Variants in FARS2 observed in about 807,000 individuals in gnomAD.
FARS2 encodes the protein phenylalanyl-tRNA synthetase 2, mitochondrial.
A neutral mutation model predicts 46.4 loss-of-function variants in FARS2; 40 were observed. The observed-to-expected ratio is 0.86, with a 90% CI of 0.67 to 1.12. The LOEUF (loss-of-function observed/expected upper bound fraction) is 1.12, where lower values mean the gene tolerates loss of function less well. Ranked by LOEUF, FARS2 falls within the 50% of genes most tolerant of loss-of-function variation. The probability of loss-of-function intolerance (pLI) is 0.00; values close to 1 mark genes in which losing one functional copy is unlikely to be tolerated. For synonymous variants in FARS2, 234 were observed against 214.9 expected, an observed-to-expected ratio of 1.09 and a Z score of -0.78; for missense variants, 513 against 567.9, an observed-to-expected ratio of 0.90 and a Z score of 0.98.
intron 5 of FARS2, chr6:5,609,408 T>C (rs1775045535): frequency 4.7e-6 from 6 of 1,272,980 alleles, no homozygotes; most frequent in Non-Finnish European, 1.1e-6. Context: ...GCCAAAATCA[T>C]TGTAGCTTCC....
At chr6:5,272,022 G>A (rs1765992148) in intron 1 of FARS2, among the ~76,000 whole-genome samples, 1 of 152,130 alleles carries the variant, frequency 6.6e-6, no homozygotes, top group South Asian at 2.1e-4. Context: ...AATATGTAAT[G>A]GAGAATTCCA....
chr6:5,338,636 G>T (rs1241435998), intron 1 of FARS2, among the ~76,000 whole-genome samples: 1 of 139,014 alleles, frequency 7.2e-6, no homozygotes, highest in African/African-American at 2.7e-5. Context: ...ATTATCTCAG[G>T]TATGAGTTCT....
At chr6:5,562,730 T>A (rs868781667) in intron 5 of FARS2, among the ~76,000 whole-genome samples, 56 of 103,978 alleles carry the variant, frequency 5.4e-4, no homozygotes, top group African/African-American at 2.2e-3. Flanking sequence ...ACACACACAG[T>A]GTTTTTCATT....
At chr6:5,454,975 C>T (rs1764755266) in intron 4 of FARS2, among the ~76,000 whole-genome samples, 1 of 152,178 alleles carries the variant, frequency 6.6e-6, no homozygotes, top group East Asian at 1.9e-4. Context: ...GTGATTATGT[C>T]TTTATTTAAT....
intron 1 of FARS2, among the ~76,000 whole-genome samples, chr6:5,263,910 A>G (rs557808287): frequency 1.3e-5 from 2 of 152,308 alleles, no homozygotes; most frequent in East Asian, 1.9e-4. Flanking sequence ...GTAACTTACG[A>G]TATTATTTAG....
chr6:5,736,216 C>T (rs537962485), intron 6 of FARS2, among the ~76,000 whole-genome samples: 1 of 152,322 alleles, frequency 6.6e-6, no homozygotes, highest in Admixed American at 6.5e-5. Context: ...CTCCACAGGG[C>T]AAGCATTGCA....
chr6:5,260,626 C>T (rs756084344), upstream of FARS2: 4 of 1,518,842 alleles, frequency 2.6e-6, no homozygotes, highest in Non-Finnish European at 3.5e-6. Flanking sequence ...CCGCCCCCGG[C>T]CCCCGGTGCC....
chr6:5,687,857 G>T (rs1757367008), intron 6 of FARS2, among the ~76,000 whole-genome samples: 2 of 152,144 alleles, frequency 1.3e-5, no homozygotes, highest in African/African-American at 4.8e-5. Context: ...CCATTTGTTT[G>T]TATCCTCTTT....
chr6:5,260,375 G>A (rs1360384866), upstream of FARS2, among the ~76,000 whole-genome samples: 1 of 152,160 alleles, frequency 6.6e-6, no homozygotes, highest in East Asian at 1.9e-4. Context: ...CACTAATCAT[G>A]CTCCTAGAAT....
intron 4 of FARS2, among the ~76,000 whole-genome samples, chr6:5,474,774 C>T (rs1766024649): frequency 6.6e-6 from 1 of 151,364 alleles, no homozygotes; most frequent in South Asian, 2.1e-4. Context: ...AGTTCTCTAC[C>T]TCAGCCTCCT....
At chr6:5,443,111 TC>T (rs1267928276) in intron 4 of FARS2, among the ~76,000 whole-genome samples, 9 of 152,226 alleles carry the variant, frequency 5.9e-5, no homozygotes, top group African/African-American at 1.9e-4. Context: ...CTTTCCAGTT[TC>T]CCCCCATCAA....
intron 4 of FARS2, among the ~76,000 whole-genome samples, chr6:5,438,244 C>CCT: frequency 1.8e-4 from 2 of 11,064 alleles, no homozygotes; most frequent in Non-Finnish European, 3.7e-4. Flanking sequence ...TACCCACCCC[C>CCT]CGCCCCCCCC....
intron 6 of FARS2, among the ~76,000 whole-genome samples, chr6:5,632,288 A>T (rs940808804): frequency 4.6e-5 from 7 of 152,178 alleles, no homozygotes; most frequent in African/African-American, 1.7e-4. Context: ...AGATTCAAGG[A>T]TATGCTACAA....
intron 6 of FARS2, among the ~76,000 whole-genome samples, chr6:5,742,828 G>A (rs1353778322): frequency 6.6e-6 from 1 of 152,060 alleles, no homozygotes; most frequent in Non-Finnish European, 1.5e-5. Flanking sequence ...AAACGACATA[G>A]TATTGAAGGA....
intron 2 of FARS2, among the ~76,000 whole-genome samples, chr6:5,384,231 T>C (rs1759977335): frequency 6.6e-6 from 1 of 152,234 alleles, no homozygotes; most frequent in South Asian, 2.1e-4. Context: ...GGCAGTAATA[T>C]TAATCTACTT....
intron 4 of FARS2, among the ~76,000 whole-genome samples, chr6:5,510,354 G>A (rs1768364795): frequency 6.6e-6 from 1 of 152,140 alleles, no homozygotes; most frequent in Non-Finnish European, 1.5e-5. Context: ...TCTCCCTGCA[G>A]GGTGCCATCC....
intron 6 of FARS2, among the ~76,000 whole-genome samples, chr6:5,680,302 G>A (rs535258377): frequency 6.6e-6 from 1 of 152,298 alleles, no homozygotes; most frequent in South Asian, 2.1e-4. Context: ...GATGGTCAGA[G>A]TAGCCACGGG....
In FARS2 at chr6:5,771,488, A is replaced by C; in HGVS notation, c.*59A>C. On this transcript the variant is annotated 3_prime_UTR_variant, in exon 7 of 7. Transcript: ENST00000274680. ...GGGCTCCAGGATTTGCTGAAAGAGAAAAAGATATGGTTTGTGAACTGGGGC... is the reference window on the plus strand; with the variant it reads ...GGGCTCCAGGATTTGCTGAAAGAGACAAAGATATGGTTTGTGAACTGGGGC... 1.3e-6 allele frequency: 2 copies of C among 1,553,860 alleles called. No individual in the cohort carries two copies. The highest frequency in any genetic ancestry group is 1.7e-6 in the Non-Finnish European group (2 of 1,149,930).
At chr6:5,741,083 A>G (rs1462309643) in intron 6 of FARS2, among the ~76,000 whole-genome samples, 5 of 151,324 alleles carry the variant, frequency 3.3e-5, no homozygotes, top group Admixed American at 3.3e-4. Context: ...TCCCACACCA[A>G]CCTCCGCATC....
Sources: gnomAD v4.1 joint callset for allele counts (sites outside exome capture counted in the v4.1 genomes callset) on GRCh38, gnomAD v4.1.1 for gene constraint, MANE v1.5 for transcripts, NCBI Gene and HGNC (gene_info 2026-07-23, HGNC 2026-07-21) for gene names.